Variants in SOX5 observed in about 807,000 individuals in gnomAD.
SOX5 encodes the protein SRY-box transcription factor 5.
SOX5 carries 9 observed loss-of-function variants against 92.0 expected under a neutral mutation model. The observed-to-expected ratio is 0.10, with a 90% confidence interval of 0.06 to 0.17. The LOEUF is 0.17. Ranked by LOEUF, SOX5 falls within the 10% of genes least tolerant of loss-of-function variation. SOX5 has a pLI of 1.00. For synonymous variants in SOX5, 344 were observed against 336.3 expected (o/e 1.02, Z -0.25); for missense variants, 642 against 944.5 (o/e 0.68, Z 4.20).
intron 11 of SOX5, among the ~76,000 whole-genome samples, chr12:23,555,061 A>G (rs1944907771): frequency 6.6e-6 from 1 of 152,168 alleles, no homozygotes; most frequent in African/African-American, 2.4e-5. Flanking sequence ...ACTTATTGAA[A>G]ATTAGAAAAT....
intron 3 of SOX5, among the ~76,000 whole-genome samples, chr12:23,839,562 C>T (rs532827973): frequency 1.3e-5 from 2 of 152,140 alleles, no homozygotes; most frequent in Non-Finnish European, 2.9e-5. Flanking sequence ...TGGTATATCT[C>T]ATAAACATAG....
At position 24,043,098 on chromosome 12, in the gene SOX5, G is replaced by A. The variant is rs566129721; in HGVS notation, c.-1-147074C>T. 2.6e-5 allele frequency among the ~76,000 whole-genome samples: 4 copies of A among 152,182 alleles called. No homozygotes were observed. The South Asian group carries it at 8.3e-4, about 32-fold the overall frequency. ...CCAATTTTGAGGTTCATATTGTGTT[G>A]CAAACTACCTAAAGAAGAGATGAAT... On this transcript the variant is annotated intron_variant, in intron 4 of 4. Coordinates refer to the SOX5 transcript ENST00000446891.
At chr12:24,284,211 C>T (rs1162645766) in intron 2 of SOX5, among the ~76,000 whole-genome samples, 7 of 152,290 alleles carry the variant, frequency 4.6e-5, no homozygotes, top group African/African-American at 1.7e-4. Flanking sequence ...AGGAGGGGAG[C>T]CACTGCCTCA....
chr12:24,286,156 T>C (rs1185090240), intron 2 of SOX5, among the ~76,000 whole-genome samples: 1 of 152,006 alleles, frequency 6.6e-6, no homozygotes, highest in Non-Finnish European at 1.5e-5. Flanking sequence ...ACAATCACAA[T>C]GCAAGCAAAA....
chr12:23,608,096 G>A (rs538258346), intron 8 of SOX5, among the ~76,000 whole-genome samples: 8 of 107,156 alleles, frequency 7.5e-5, no homozygotes, highest in East Asian at 6.0e-4. Context: ...ATAGTGAGAC[G>A]TTGTCTCAAA....
At chr12:23,693,523 T>C (rs2089272963) in intron 6 of SOX5, among the ~76,000 whole-genome samples, 1 of 152,222 alleles carries the variant, frequency 6.6e-6, no homozygotes, top group African/African-American at 2.4e-5. Context: ...CCACTTACTT[T>C]GTGTTATTCA....
chr12:24,525,574 A>G (rs1214507971), intron 1 of SOX5, among the ~76,000 whole-genome samples: 1 of 152,214 alleles, frequency 6.6e-6, no homozygotes, highest in Non-Finnish European at 1.5e-5. Flanking sequence ...AGAAAAGATT[A>G]GAGAAGCAGT....
intron 2 of SOX5, among the ~76,000 whole-genome samples, chr12:23,889,230 A>G (rs1421815181): frequency 1.3e-5 from 2 of 152,192 alleles, no homozygotes; most frequent in Non-Finnish European, 2.9e-5. Context: ...TAGCATCACA[A>G]TAACTTATGC....
chr12:24,313,800 C>T (rs1027400873), intron 2 of SOX5, among the ~76,000 whole-genome samples: 2 of 152,122 alleles, frequency 1.3e-5, no homozygotes, highest in Non-Finnish European at 2.9e-5. Context: ...TATTTTTAGC[C>T]CACGCTTCTG....
intron 4 of SOX5, among the ~76,000 whole-genome samples, chr12:24,118,706 A>G (rs1046863223): frequency 6.6e-6 from 1 of 152,192 alleles, no homozygotes; most frequent in Admixed American, 6.5e-5. Flanking sequence ...TTCAAGTAAA[A>G]TAGAATTTAA....
Position 24,251,083 on chromosome 12 carries a change from G to GC in SOX5, c.-77+26132dup, listed in dbSNP as rs542599328. 4.3e-4 allele frequency among the ~76,000 whole-genome samples: 66 copies of GC among 152,206 alleles called. 1 individual carries two copies. Among genetic ancestry groups the GC allele is most frequent in the Middle Eastern group, 3.2e-3 (1 of 316 alleles). On this transcript the variant is annotated intron_variant, in intron 3 of 4. Transcript: ENST00000446891. ...ATGTTATTCTACATGGAAAGTGTTT[G>GC]CGTAGCAGCAACAGGCTGAGTGAGA... is the stretch of plus-strand genomic sequence containing the variant.
At chr12:24,562,161 G>C (rs1023983512) in intron 1 of SOX5, among the ~76,000 whole-genome samples, 1 of 152,150 alleles carries the variant, frequency 6.6e-6, no homozygotes, top group Non-Finnish European at 1.5e-5. Flanking sequence ...CTCTGTACTT[G>C]AGGAAACTCC....
rs1025168981 is a variant in SOX5 at position 23,736,355 on chromosome 12, G to C, written c.742-1603C>G. On this transcript the variant is annotated intron_variant, in intron 5 of 14. Coordinates refer to ENST00000451604, the MANE Select transcript of SOX5 (RefSeq NM_006940.6). ...CGGGCGCCTGTAGTCCCAGCTACTT[G>C]GGAGGCTGAGGCAGGAGAATGTCGT... Among the ~76,000 whole-genome samples, 3 of 152,016 alleles carry C rather than the reference G, an allele frequency of 2.0e-5. No homozygotes were observed. In the East Asian group the frequency reaches 5.8e-4, roughly 29 times the overall value.
chr12:24,162,873 C>T (rs1285446721), intron 4 of SOX5, among the ~76,000 whole-genome samples: 3 of 152,142 alleles, frequency 2.0e-5, no homozygotes, highest in Non-Finnish European at 4.4e-5. Flanking sequence ...TCATCCACTT[C>T]CGACAGAGAA....
intron 8 of SOX5, among the ~76,000 whole-genome samples, chr12:23,616,183 T>C (rs1261469457): frequency 2.6e-5 from 4 of 152,072 alleles, no homozygotes; most frequent in Admixed American, 2.0e-4. Flanking sequence ...AGGTGACGCC[T>C]GGAAAAAATG....
intron 1 of SOX5, among the ~76,000 whole-genome samples, chr12:24,524,529 A>C (rs961928672): frequency 2.0e-5 from 3 of 152,186 alleles, no homozygotes; most frequent in African/African-American, 7.2e-5. Flanking sequence ...TCCTGATTTT[A>C]AAATGTGCTA....
intron 8 of SOX5, among the ~76,000 whole-genome samples, chr12:23,605,686 C>T (rs1038573361): frequency 6.6e-6 from 1 of 151,688 alleles, no homozygotes; most frequent in African/African-American, 2.4e-5. Flanking sequence ...CAAAATTGCT[C>T]ATGATAAGCC....
intron 2 of SOX5, among the ~76,000 whole-genome samples, chr12:24,355,282 C>CA (rs1221012836): frequency 5.1e-4 from 37 of 71,932 alleles, no homozygotes; most frequent in Admixed American, 7.4e-4. Flanking sequence ...AGGGGTGCAT[C>CA]TTTTTTTTTT....
intron 4 of SOX5, among the ~76,000 whole-genome samples, chr12:24,051,966 C>T (rs1957600991): frequency 6.6e-6 from 1 of 152,192 alleles, no homozygotes; most frequent in African/African-American, 2.4e-5. Context: ...AGTCCAGTGG[C>T]CTGTTCTCCG....
Sources: allele counts gnomAD v4.1 joint callset (sites outside exome capture counted in the v4.1 genomes callset), GRCh38; gene constraint gnomAD v4.1.1; transcripts MANE v1.5; gene names NCBI Gene and HGNC (gene_info 2026-07-23, HGNC 2026-07-21).